CDH12: variants seen among roughly 807,000 people sequenced by gnomAD.
CDH12 encodes the protein cadherin 12, also known as cadherin-12.
In CDH12, 41 loss-of-function variants were observed where a neutral mutation model predicts 74.1. The observed-to-expected ratio is 0.55, with a 90% confidence interval of 0.43 to 0.72. CDH12 has a LOEUF of 0.72. CDH12 is among the 30% of genes least tolerant of loss of function. The pLI is 0.00. For synonymous variants in CDH12, 399 were observed against 355.0 expected, an observed-to-expected ratio of 1.12 and a Z score of -1.39; for missense variants, 945 against 977.2, an observed-to-expected ratio of 0.97 and a Z score of 0.44.
At chr5:22,207,280 TA>T (rs1751276921) in intron 4 of CDH12, among the ~76,000 whole-genome samples, 1 of 147,770 alleles carries the variant, frequency 6.8e-6, no homozygotes, top group African/African-American at 2.5e-5. Flanking sequence ...ATGCTGATAA[TA>T]AAAAAATCAT....
At chr5:22,207,480 ACT>A (rs1012299724) in intron 4 of CDH12, among the ~76,000 whole-genome samples, 1 of 152,102 alleles carries the variant, frequency 6.6e-6, no homozygotes, top group Non-Finnish European at 1.5e-5. Flanking sequence ...TTCCAACCAA[ACT>A]CTATTTACAA....
intron 6 of CDH12, among the ~76,000 whole-genome samples, chr5:21,924,070 C>T (rs1251451692): frequency 1.3e-5 from 2 of 152,126 alleles, no homozygotes; most frequent in African/African-American, 2.4e-5. Flanking sequence ...GTCATCAGTG[C>T]TCAAACTGTA....
intron 1 of CDH12, among the ~76,000 whole-genome samples, chr5:22,766,747 TAAAC>T (rs544889607): frequency 8.1e-4 from 123 of 152,248 alleles, no homozygotes; most frequent in Admixed American, 2.3e-3. Flanking sequence ...CATTGTTCCC[TAAAC>T]ATTATAGTAC....
intron 1 of CDH12, among the ~76,000 whole-genome samples, chr5:22,538,376 C>T (rs1036063813): frequency 1.3e-5 from 2 of 152,158 alleles, no homozygotes; most frequent in Admixed American, 6.5e-5. Context: ...CACCAACCTC[C>T]CCAAACATTC....
chr5:22,259,553 T>A (rs1039284221), intron 3 of CDH12, among the ~76,000 whole-genome samples: 7 of 152,080 alleles, frequency 4.6e-5, no homozygotes, highest in Non-Finnish European at 1.0e-4. Flanking sequence ...ATAACAATAT[T>A]ATCAATTTTA....
At chr5:22,840,498 T>C (rs1205405894) in intron 1 of CDH12, among the ~76,000 whole-genome samples, 1 of 150,160 alleles carries the variant, frequency 6.7e-6, no homozygotes, top group Non-Finnish European at 1.5e-5. Flanking sequence ...TACAGTGATT[T>C]ATATATATTA....
chr5:22,700,922 A>AT (rs1742680050), intron 1 of CDH12, among the ~76,000 whole-genome samples: 1 of 151,992 alleles, frequency 6.6e-6, no homozygotes, highest in Non-Finnish European at 1.5e-5. Flanking sequence ...ACACCTCCCC[A>AT]TTTTCTTGCT....
chr5:22,129,381 T>C (rs1746052944), intron 4 of CDH12, among the ~76,000 whole-genome samples: 2 of 152,194 alleles, frequency 1.3e-5, no homozygotes, highest in South Asian at 4.1e-4. Context: ...ACTATTACAC[T>C]ATACAAATGA....
intron 1 of CDH12, among the ~76,000 whole-genome samples, chr5:22,655,038 A>C (rs2126889168): frequency 6.6e-6 from 1 of 152,076 alleles, no homozygotes; most frequent in African/African-American, 2.4e-5. Context: ...TAACTTATCT[A>C]CCCTCACTTC....
intron 1 of CDH12, among the ~76,000 whole-genome samples, chr5:22,740,678 T>G (rs1441224872): frequency 2.0e-5 from 3 of 152,076 alleles, no homozygotes; most frequent in Non-Finnish European, 4.4e-5. Flanking sequence ...ATCATGTACA[T>G]TTTGGAATCT....
chr5:22,032,239 CT>C (rs1216481571), intron 5 of CDH12, among the ~76,000 whole-genome samples: 14 of 151,846 alleles, frequency 9.2e-5, no homozygotes, highest in Non-Finnish European at 2.1e-4. Flanking sequence ...CTGGGAATTA[CT>C]GATATACAGC....
chr5:21,957,438 C>A (rs1481425257), intron 6 of CDH12, among the ~76,000 whole-genome samples: 1 of 151,996 alleles, frequency 6.6e-6, no homozygotes, highest in Admixed American at 6.6e-5. Context: ...TGCAGTAATG[C>A]GATTGCTGGT....
intron 1 of CDH12, among the ~76,000 whole-genome samples, chr5:22,803,564 A>G (rs1002747595): frequency 3.9e-5 from 6 of 152,148 alleles, no homozygotes; most frequent in Non-Finnish European, 5.9e-5. Flanking sequence ...CCTCCCTCCC[A>G]TATTTTGCTT....
At chr5:22,722,570 T>C (rs1041916756) in intron 1 of CDH12, among the ~76,000 whole-genome samples, 1 of 152,178 alleles carries the variant, frequency 6.6e-6, no homozygotes, top group Non-Finnish European at 1.5e-5. Context: ...GAGCCTACAA[T>C]TGATTTAAAT....
intron 6 of CDH12, among the ~76,000 whole-genome samples, chr5:21,874,552 C>G (rs370931112): frequency 6.6e-6 from 1 of 152,182 alleles, no homozygotes. Context: ...AAACCCCAGG[C>G]ATTTGAGCAG....
At chr5:21,827,059 T>A (rs1341688655) in intron 8 of CDH12, among the ~76,000 whole-genome samples, 2 of 152,026 alleles carry the variant, frequency 1.3e-5, no homozygotes, top group African/African-American at 4.8e-5. Context: ...GTTCTGCTGA[T>A]CTGGTAGAAC....
At chr5:21,906,045 A>G (rs1753625973) in intron 6 of CDH12, among the ~76,000 whole-genome samples, 1 of 152,198 alleles carries the variant, frequency 6.6e-6, no homozygotes, top group Non-Finnish European at 1.5e-5. Flanking sequence ...AAATAAATCC[A>G]TAATATGTTA....
At chr5:21,776,547 A>G (rs977558610) in intron 11 of CDH12, among the ~76,000 whole-genome samples, 2 of 152,146 alleles carry the variant, frequency 1.3e-5, no homozygotes, top group Admixed American at 1.3e-4. Context: ...CTTAAAATCT[A>G]AATATGATCC....
intron 5 of CDH12, among the ~76,000 whole-genome samples, chr5:22,043,365 T>C (rs1346550140): frequency 6.6e-6 from 1 of 152,174 alleles, no homozygotes; most frequent in Non-Finnish European, 1.5e-5. Context: ...TTTCAATAGA[T>C]GCAGAAAAAG....
Sources: allele counts gnomAD v4.1 joint callset (sites outside exome capture counted in the v4.1 genomes callset), GRCh38; gene constraint gnomAD v4.1.1; transcripts MANE v1.5; gene names NCBI Gene and HGNC (gene_info 2026-07-23, HGNC 2026-07-21).